Variants in SYN3 observed in about 807,000 individuals in gnomAD.
SYN3 encodes synapsin III.
In SYN3, 35 loss-of-function variants were observed where a neutral mutation model predicts 65.8. The ratio of observed to expected loss-of-function variants is 0.53; its 90% CI spans 0.41 to 0.70. The LOEUF (loss-of-function observed/expected upper bound fraction) is 0.70, where lower values mean the gene tolerates loss of function less well. Ranked by LOEUF, SYN3 falls within the 30% of genes least tolerant of loss-of-function variation. The probability of loss-of-function intolerance (pLI) is 0.00; values close to 1 mark genes in which losing one functional copy is unlikely to be tolerated. For missense variants in SYN3, 680 were observed against 749.0 expected, an observed-to-expected ratio of 0.91 and a Z score of 1.08; for synonymous variants, 270 against 292.9, an observed-to-expected ratio of 0.92 and a Z score of 0.80.
chr22:32,890,266 C>T (rs1601631083), intron 4 of SYN3, among the ~76,000 whole-genome samples: 1 of 150,974 alleles, frequency 6.6e-6, no homozygotes, highest in African/African-American at 2.4e-5. Flanking sequence ...TTTTATAGAG[C>T]ATTTTCCCAT....
intron 10 of SYN3, among the ~76,000 whole-genome samples, chr22:32,533,532 C>T (rs1204398078): frequency 2.0e-5 from 3 of 152,134 alleles, no homozygotes; most frequent in Admixed American, 2.0e-4. Flanking sequence ...CCTTTCCTTC[C>T]CTTAGGCCTG....
At chr22:32,601,569 G>A (rs559951673) in intron 6 of SYN3, among the ~76,000 whole-genome samples, 5 of 152,366 alleles carry the variant, frequency 3.3e-5, no homozygotes, top group African/African-American at 1.2e-4. Flanking sequence ...GAGCCACTGC[G>A]CCCAGCCTCC....
chr22:33,024,771 A>C (rs1164567750), intron 1 of SYN3, among the ~76,000 whole-genome samples: 1 of 152,206 alleles, frequency 6.6e-6, no homozygotes, highest in Non-Finnish European at 1.5e-5. Flanking sequence ...TTTTATAGCA[A>C]TGAGAGATTT....
intron 7 of SYN3, among the ~76,000 whole-genome samples, chr22:32,585,930 ACG>A (rs1221638328): frequency 1.5e-4 from 8 of 54,576 alleles, no homozygotes; most frequent in South Asian, 7.9e-4. Context: ...ATGTGTATAT[ACG>A]TATATGTGTA....
At chr22:32,842,712 G>A (rs2047947565) in intron 6 of SYN3, among the ~76,000 whole-genome samples, 1 of 152,118 alleles carries the variant, frequency 6.6e-6, no homozygotes, top group South Asian at 2.1e-4. Flanking sequence ...GGGAGCCTGT[G>A]GTTTTGTGGT....
chr22:32,745,801 G>A (rs569092795), intron 6 of SYN3, among the ~76,000 whole-genome samples: 2 of 152,194 alleles, frequency 1.3e-5, no homozygotes, highest in African/African-American at 4.8e-5. Context: ...AGAAAGAAAC[G>A]CAGACAGGAA....
chr22:32,847,776 G>A (rs2048110028), intron 6 of SYN3, among the ~76,000 whole-genome samples: 1 of 152,166 alleles, frequency 6.6e-6, no homozygotes, highest in Non-Finnish European at 1.5e-5. Flanking sequence ...TGGGCTAAGT[G>A]CAACTTGAGA....
chr22:32,608,678 C>T (rs559443569), intron 6 of SYN3, among the ~76,000 whole-genome samples: 3 of 152,280 alleles, frequency 2.0e-5, no homozygotes, highest in African/African-American at 4.8e-5. Context: ...GGCAGACTTG[C>T]GTTTAAATAT....
intron 6 of SYN3, among the ~76,000 whole-genome samples, chr22:32,765,170 T>C (rs931037923): frequency 3.3e-5 from 5 of 152,134 alleles, no homozygotes; most frequent in African/African-American, 1.2e-4. Context: ...AGAGAGGCAG[T>C]GGTGAGGGTC....
intron 6 of SYN3, among the ~76,000 whole-genome samples, chr22:32,685,825 A>AG (rs2060581726): frequency 6.6e-6 from 1 of 152,252 alleles, no homozygotes; most frequent in Non-Finnish European, 1.5e-5. Context: ...ATCAGAGTTG[A>AG]GATGTATCTA....
At chr22:32,859,399 C>G in intron 6 of SYN3, 1 of 1,601,276 alleles carries the variant, frequency 6.2e-7, no homozygotes, top group South Asian at 1.1e-5. Flanking sequence ...TGCCCCACCT[C>G]ACTTCCCTCC....
intron 6 of SYN3, among the ~76,000 whole-genome samples, chr22:32,844,165 C>T (rs766237286): frequency 5.3e-5 from 8 of 152,162 alleles, no homozygotes; most frequent in Non-Finnish European, 1.2e-4. Context: ...ACCATTAGGT[C>T]GGGGAAGAAG....
chr22:32,933,372 G>A (rs1469033805), intron 3 of SYN3, among the ~76,000 whole-genome samples: 5 of 152,168 alleles, frequency 3.3e-5, no homozygotes, highest in Non-Finnish European at 7.3e-5. Context: ...GCATCATATA[G>A]TAGGTAGCAG....
intron 4 of SYN3, among the ~76,000 whole-genome samples, chr22:32,924,192 G>A (rs1173475034): frequency 2.0e-5 from 3 of 152,058 alleles, no homozygotes; most frequent in African/African-American, 7.3e-5. Flanking sequence ...TATTTCTTTG[G>A]GTATATACTC....
chr22:32,904,498 C>T (rs1158926508), intron 4 of SYN3, among the ~76,000 whole-genome samples: 1 of 151,922 alleles, frequency 6.6e-6, no homozygotes, highest in Non-Finnish European at 1.5e-5. Context: ...GAGACCTAGG[C>T]TTCTTTTGTG....
At position 32,554,594 on chromosome 22, in the gene SYN3, C is replaced by A. The variant is rs958830853; in HGVS notation, c.775-12881G>T. On this transcript the variant is annotated intron_variant, in intron 7 of 13. Transcript: ENST00000358763. ...ACCGTCCTTCCAGCCAAACTATTCA[C>A]CCCGCCACTCCGGCTCGTACCCCTG... Among the ~76,000 whole-genome samples the A allele has an allele frequency of 2.0e-5, 3 of 152,172 alleles. 1 individual carries two copies. Among genetic ancestry groups the A allele is most frequent in the Non-Finnish European group, 4.4e-5 (3 of 68,032 alleles).
At position 32,916,205 on chromosome 22, in the gene SYN3, G is replaced by A. The variant is rs953218948; in HGVS notation, c.461+15185C>T. Among the ~76,000 whole-genome samples the A allele has an allele frequency of 3.3e-5, 5 of 152,346 alleles. No homozygotes were observed. The East Asian group carries it at 9.6e-4, about 29-fold the overall frequency. ...ACCTTCCAGCCCAGCCAAGCCACAA[G>A]CTGAATGCAGTCAAGTGAGTCATCC... On this transcript the variant is annotated intron_variant, in intron 4 of 13. Transcript: ENST00000358763.
intron 7 of SYN3, among the ~76,000 whole-genome samples, chr22:32,568,650 C>T (rs2058704436): frequency 6.6e-6 from 1 of 152,126 alleles, no homozygotes; most frequent in African/African-American, 2.4e-5. Flanking sequence ...ACACTAATCC[C>T]ATTCCTCAGG....
chr22:32,833,277 G>A (rs2047631554), intron 6 of SYN3, among the ~76,000 whole-genome samples: 1 of 152,162 alleles, frequency 6.6e-6, no homozygotes, highest in Admixed American at 6.5e-5. Context: ...TAAGCAGGGA[G>A]AGACCATCCT....
Sources: allele counts gnomAD v4.1 joint callset (sites outside exome capture counted in the v4.1 genomes callset), GRCh38; gene constraint gnomAD v4.1.1; transcripts MANE v1.5; gene names NCBI Gene and HGNC (gene_info 2026-07-23, HGNC 2026-07-21).